Variants in CACNA1A observed in about 807,000 individuals in gnomAD.
CACNA1A encodes voltage-dependent P/Q-type calcium channel subunit alpha-1A.
Under a neutral mutation model 262.4 loss-of-function variants are expected in CACNA1A, and 57 were observed. The ratio of observed to expected loss-of-function variants is 0.22; its 90% CI spans 0.18 to 0.27. The LOEUF is 0.27. Among genes scored for constraint, CACNA1A ranks in the 10% least tolerant of loss-of-function variants. The pLI, the probability that CACNA1A is intolerant of heterozygous loss-of-function variation, is 1.00. For synonymous variants in CACNA1A, 1,431 were observed against 1,419.3 expected (o/e 1.01, Z -0.18); for missense variants, 2,526 against 3,562.8 (o/e 0.71, Z 7.41).
intron 19 of CACNA1A, among the ~76,000 whole-genome samples, chr19:13,293,538 C>T (rs143178481): frequency 0.14 from 20,275 of 148,320 alleles, 1,686 homozygotes; most frequent in South Asian, 0.35. Context: ...CTCCGCCTCC[C>T]GGGTTTTACA....
intron 43 of CACNA1A, chr19:13,211,090 G>A (rs2054794854): frequency 9.8e-6 from 2 of 205,004 alleles, no homozygotes; most frequent in South Asian, 7.6e-5. Flanking sequence ...CCAGCAGCTC[G>A]GTCCTGAGGG....
intron 32 of CACNA1A, 76 bp from the exon 33 acceptor site, chr19:13,235,350 C>T: frequency 1.5e-6 from 2 of 1,364,380 alleles, no homozygotes; most frequent in South Asian, 1.2e-5. Flanking sequence ...TGTCCCAGTG[C>T]TCTGCCCCAC....
At chr19:13,317,993 A>T (rs971694395) in intron 10 of CACNA1A, among the ~76,000 whole-genome samples, 1 of 152,208 alleles carries the variant, frequency 6.6e-6, no homozygotes. Flanking sequence ...ATGGGAAAAA[A>T]AAAGTTGGGA....
At chr19:13,464,315 C>T (rs2061179842) in intron 1 of CACNA1A, among the ~76,000 whole-genome samples, 1 of 152,164 alleles carries the variant, frequency 6.6e-6, no homozygotes, top group Non-Finnish European at 1.5e-5. Flanking sequence ...AAGAAGATTG[C>T]TTGAACCTGG....
intron 6 of CACNA1A, among the ~76,000 whole-genome samples, chr19:13,348,211 C>T (rs2058829155): frequency 6.6e-6 from 1 of 152,180 alleles, no homozygotes; most frequent in Non-Finnish European, 1.5e-5. Context: ...GCGTGAGCCA[C>T]CACGCCTGGC....
rs543159618 is a variant in CACNA1A, at chr19:13,281,409, G to C, written c.3822+1858C>G. Among the ~76,000 whole-genome samples the C allele has an allele frequency of 5.9e-5, 9 of 151,608 alleles. No individual in the cohort carries two copies. In the East Asian group the frequency reaches 1.7e-3, roughly 29 times the overall value. On this transcript the variant is annotated intron_variant, in intron 22 of 46. Transcript: ENST00000360228. Reference sequence around the variant, plus strand: ...AAAAAAAAAAAAAAAGCCTGTGCAGGTGGGAAAAAGAGAGAAGCCAAAAAC... The same window carrying C: ...AAAAAAAAAAAAAAAGCCTGTGCAGCTGGGAAAAAGAGAGAAGCCAAAAAC...
chr19:13,209,372 G>C lies in CACNA1A; in HGVS notation c.6466C>G (p.Arg2156Gly), dbSNP rs554393704. 50 of 1,395,592 alleles carry C rather than the reference G, an allele frequency of 3.6e-5. No homozygotes were observed. The highest frequency in any genetic ancestry group is 1.5e-4 in the South Asian group (9 of 58,224). 86.5% of individuals were successfully genotyped at this position (1,395,592 alleles called of 1,614,324 possible). ...EENQRHHQRR[R>G]DRSHRASERS... ...TCAGAGGCGCGGTGGCTGCGGTCGC[G>C]GCGCCGCTGGTGGTGCCGCTGGTTC... Residue 2156 changes from arginine to glycine, a missense_variant, in exon 45 of 47, where the codon CGC becomes GGC. By Grantham distance (125) the Arg-to-Gly change is moderately radical. This residue lies in a region of CACNA1A where 929 missense variants were observed against 868.1 expected (regional missense o/e 1.07). Coordinates refer to ENST00000360228, the MANE Select transcript of CACNA1A (RefSeq NM_001127222.2).
At chr19:13,347,541 C>T (rs1263920960) in intron 6 of CACNA1A, among the ~76,000 whole-genome samples, 1 of 152,186 alleles carries the variant, frequency 6.6e-6, no homozygotes, top group Non-Finnish European at 1.5e-5. Flanking sequence ...TTTAATTGGC[C>T]CACAGCCATG....
chr19:13,254,500 T>C (rs989733728), intron 29 of CACNA1A, among the ~76,000 whole-genome samples: 1 of 151,974 alleles, frequency 6.6e-6, no homozygotes, highest in African/African-American at 2.4e-5. Context: ...GTAGCTGGGA[T>C]TACAGATGCG....
chr19:13,401,834 T>TC (rs1440221028), intron 3 of CACNA1A, among the ~76,000 whole-genome samples: 2 of 152,142 alleles, frequency 1.3e-5, no homozygotes, highest in Non-Finnish European at 1.5e-5. Flanking sequence ...CTCACCAGTT[T>TC]CACTTTATTA....
intron 9 of CACNA1A, among the ~76,000 whole-genome samples, chr19:13,331,972 C>T (rs1014945146): frequency 1.3e-5 from 2 of 152,226 alleles, no homozygotes; most frequent in African/African-American, 4.8e-5. Context: ...CCAACCCTAT[C>T]TCTAAATTCT....
chr19:13,265,486 C>T (rs999267047), intron 24 of CACNA1A, among the ~76,000 whole-genome samples: 1 of 152,178 alleles, frequency 6.6e-6, no homozygotes, highest in Non-Finnish European at 1.5e-5. Flanking sequence ...CTCCAGGATT[C>T]AGAACTCTGA....
chr19:13,505,425 C>T (rs1982901773), intron 1 of CACNA1A, among the ~76,000 whole-genome samples: 1 of 152,146 alleles, frequency 6.6e-6, no homozygotes, highest in South Asian at 2.1e-4. Flanking sequence ...AAAAGTGCGG[C>T]GGCCCCCCAC....
chr19:13,254,042 A>G (rs889678868), intron 29 of CACNA1A, among the ~76,000 whole-genome samples: 1 of 151,960 alleles, frequency 6.6e-6, no homozygotes. Context: ...CCCGGCCACT[A>G]TTGATCGTTT....
intron 4 of CACNA1A, among the ~76,000 whole-genome samples, chr19:13,368,242 G>T (rs2059252369): frequency 6.6e-6 from 1 of 152,112 alleles, no homozygotes; most frequent in Admixed American, 6.6e-5. Flanking sequence ...TTGAGTCTGG[G>T]GAGGTTGAGG....
intron 1 of CACNA1A, among the ~76,000 whole-genome samples, chr19:13,469,247 C>T (rs567104780): frequency 4.6e-5 from 7 of 152,288 alleles, no homozygotes; most frequent in Middle Eastern, 3.4e-3. Context: ...GCTAAGACTC[C>T]GACGGAACCT....
chr19:13,441,347 A>T (rs12608778), intron 3 of CACNA1A, among the ~76,000 whole-genome samples: 12,455 of 126,318 alleles, frequency 0.099, 634 homozygotes, highest in South Asian at 0.15. Flanking sequence ...AGCAATGTTT[A>T]AAAAAAATTA....
At chr19:13,333,457 C>T (rs961060212) in intron 8 of CACNA1A, among the ~76,000 whole-genome samples, 3 of 151,538 alleles carry the variant, frequency 2.0e-5, no homozygotes, top group South Asian at 2.1e-4. Context: ...TTCTCTGACA[C>T]AGAGTCTCAC....
At chr19:13,227,844 G>A (rs533140949) in intron 36 of CACNA1A, among the ~76,000 whole-genome samples, 2 of 151,648 alleles carry the variant, frequency 1.3e-5, no homozygotes, top group South Asian at 4.2e-4. Context: ...CTGGAGGGAT[G>A]CGGAGGGGAG....
Sources: gnomAD v4.1 joint callset for allele counts (sites outside exome capture counted in the v4.1 genomes callset) on GRCh38, gnomAD v4.1.1 for gene constraint, gnomAD v4.1.1 regional missense constraint, MANE v1.5 for transcripts, NCBI Gene and HGNC (gene_info 2026-07-23, HGNC 2026-07-21) for gene names.